Variants in ZBTB20 observed in about 807,000 individuals in gnomAD.
ZBTB20 encodes the protein zinc finger and BTB domain-containing protein 20.
ZBTB20 carries 9 observed loss-of-function variants against 56.9 expected under a neutral mutation model. The observed-to-expected ratio is 0.16, with a 90% CI of 0.10 to 0.28. ZBTB20 has a LOEUF of 0.28. ZBTB20 is among the 10% of genes least tolerant of loss of function. The pLI is 1.00. For synonymous variants in ZBTB20, 417 were observed against 420.7 expected (o/e 0.99, Z 0.11); for missense variants, 655 against 1,003.0 (o/e 0.65, Z 4.69).
intron 11 of ZBTB20, among the ~76,000 whole-genome samples, chr3:114,340,382 A>C (rs573261486): frequency 6.6e-6 from 1 of 151,752 alleles, no homozygotes; most frequent in East Asian, 1.9e-4. Context: ...AAATGCTTCC[A>C]TATGCCTTTT....
intron 2 of ZBTB20, among the ~76,000 whole-genome samples, chr3:115,030,201 C>CT (rs1481166874): frequency 1.3e-5 from 2 of 151,074 alleles, no homozygotes; most frequent in African/African-American, 4.8e-5. Context: ...TGCTTTTATA[C>CT]ATATAGTCCC....
chr3:115,048,296 A>G (rs2081412533), intron 2 of ZBTB20, among the ~76,000 whole-genome samples: 1 of 152,208 alleles, frequency 6.6e-6, no homozygotes, highest in South Asian at 2.1e-4. Context: ...TAATTGTATC[A>G]CATCTTCACA....
intron 11 of ZBTB20, among the ~76,000 whole-genome samples, chr3:114,346,213 T>C (rs1354617994): frequency 1.3e-5 from 2 of 152,228 alleles, no homozygotes; most frequent in African/African-American, 4.8e-5. Context: ...TAAAGGAGTT[T>C]CAGAGTTTAA....
intron 4 of ZBTB20, among the ~76,000 whole-genome samples, chr3:114,843,975 C>T (rs1238374641): frequency 6.6e-6 from 1 of 152,072 alleles, no homozygotes; most frequent in African/African-American, 2.4e-5. Flanking sequence ...GCGTGAGCCA[C>T]CGCACATGGC....
chr3:114,648,409 T>C (rs1210986739), intron 6 of ZBTB20, among the ~76,000 whole-genome samples: 2 of 151,950 alleles, frequency 1.3e-5, no homozygotes, highest in Non-Finnish European at 2.9e-5. Context: ...GAAGACATAA[T>C]AATCTTTATT....
chr3:114,457,692 T>C (rs2092102723), intron 7 of ZBTB20, among the ~76,000 whole-genome samples: 1 of 152,152 alleles, frequency 6.6e-6, no homozygotes, highest in African/African-American at 2.4e-5. Context: ...AAAATCATAC[T>C]TTAGCATCAC....
chr3:114,874,319 G>A (rs572219583), intron 4 of ZBTB20, among the ~76,000 whole-genome samples: 8 of 152,278 alleles, frequency 5.3e-5, no homozygotes, highest in Admixed American at 1.3e-4. Flanking sequence ...AGATATCACA[G>A]CATTTCATTG....
At position 114,334,982 on chromosome 3, in the gene ZBTB20, C is replaced by T. The variant is rs2079400168; in HGVS notation, c.*4023G>A. The T allele has an allele frequency of 6.6e-6, 1 of 152,104 alleles. No homozygotes were observed. 9.4% of individuals were successfully genotyped at this position (152,104 alleles called of 1,614,324 possible). ...TTCTTTTTTAGGATTATATTTCACA[C>T]ATTTGGGGGCCTTTTTTGTACAAAT... On this transcript the variant is annotated 3_prime_UTR_variant, in exon 12 of 12. Coordinates refer to ENST00000675478, the MANE Select transcript of ZBTB20 (RefSeq NM_001348800.3).
At chr3:114,663,975 A>G (rs1315053507) in intron 6 of ZBTB20, among the ~76,000 whole-genome samples, 1 of 151,988 alleles carries the variant, frequency 6.6e-6, no homozygotes, top group Non-Finnish European at 1.5e-5. Context: ...CATTAGACAG[A>G]TCAACGAGAC....
intron 1 of ZBTB20, among the ~76,000 whole-genome samples, chr3:115,088,545 T>G (rs2083073212): frequency 6.6e-6 from 1 of 151,908 alleles, no homozygotes; most frequent in African/African-American, 2.4e-5. Context: ...AGAGCTCTTT[T>G]AAATTGTGAC....
intron 4 of ZBTB20, among the ~76,000 whole-genome samples, chr3:114,812,978 G>A (rs1228857053): frequency 1.3e-5 from 2 of 152,218 alleles, no homozygotes; most frequent in Non-Finnish European, 2.9e-5. Flanking sequence ...ACGCCCACCC[G>A]GGACTCGCGC....
chr3:115,024,558 A>G (rs1430073953), intron 2 of ZBTB20, among the ~76,000 whole-genome samples: 1 of 151,104 alleles, frequency 6.6e-6, no homozygotes, highest in African/African-American at 2.4e-5. Context: ...GCTTTGGGAA[A>G]ACAATCCCAC....
intron 7 of ZBTB20, among the ~76,000 whole-genome samples, chr3:114,415,733 G>A (rs1049027988): frequency 2.0e-5 from 3 of 152,048 alleles, no homozygotes; most frequent in Non-Finnish European, 4.4e-5. Flanking sequence ...AGAGCACGGG[G>A]CTTGATACTA....
At chr3:114,785,732 T>A (rs1345365103) in intron 5 of ZBTB20, among the ~76,000 whole-genome samples, 1 of 152,132 alleles carries the variant, frequency 6.6e-6, no homozygotes, top group Admixed American at 6.5e-5. Context: ...TATTAACATA[T>A]CCATCACCTC....
intron 6 of ZBTB20, among the ~76,000 whole-genome samples, chr3:114,663,471 C>T (rs1224620069): frequency 2.5e-4 from 37 of 148,990 alleles, no homozygotes; most frequent in Non-Finnish European, 2.5e-4. Context: ...TAGGAAGAAA[C>T]TGCATCAACT....
intron 10 of ZBTB20, among the ~76,000 whole-genome samples, chr3:114,372,752 G>A (rs1010789782): frequency 3.9e-5 from 6 of 152,024 alleles, no homozygotes; most frequent in Non-Finnish European, 5.9e-5. Context: ...GGCTGGGTGG[G>A]AGGATTGCTT....
At chr3:114,561,480 C>T (rs756983333) in intron 6 of ZBTB20, among the ~76,000 whole-genome samples, 6 of 152,068 alleles carry the variant, frequency 3.9e-5, no homozygotes, top group East Asian at 1.9e-4. Context: ...TAATAGATGT[C>T]GTGTTAGCAG....
intron 6 of ZBTB20, among the ~76,000 whole-genome samples, chr3:114,550,421 T>C (rs559139073): frequency 3.3e-5 from 5 of 152,214 alleles, no homozygotes; most frequent in Admixed American, 6.5e-5. Context: ...ACATTCACTG[T>C]GGATAGGCTG....
chr3:114,478,350 T>C (rs1328869215), intron 7 of ZBTB20, among the ~76,000 whole-genome samples: 1 of 152,224 alleles, frequency 6.6e-6, no homozygotes. Flanking sequence ...GATGTTTAAC[T>C]GGACCTTTGG....
Sources: allele counts gnomAD v4.1 joint callset (sites outside exome capture counted in the v4.1 genomes callset), GRCh38; gene constraint gnomAD v4.1.1; transcripts MANE v1.5; gene names NCBI Gene and HGNC (gene_info 2026-07-23, HGNC 2026-07-21).